The following MEI1 variants were observed in gnomAD, a reference collection of about 807,000 sequenced individuals.
The protein encoded by MEI1 is meiotic double-stranded break formation protein 1.
Under a neutral mutation model 146.2 loss-of-function variants are expected in MEI1, and 103 were observed. That is an observed-to-expected ratio of 0.70 (90% CI 0.60 to 0.83). The LOEUF is 0.83. Among genes scored for constraint, MEI1 ranks in the 40% least tolerant of loss-of-function variants. MEI1 has a pLI of 0.00. For missense variants in MEI1, 1,529 were observed against 1,533.0 expected, an observed-to-expected ratio of 1.00 and a Z score of 0.04; for synonymous variants, 652 against 628.2, an observed-to-expected ratio of 1.04 and a Z score of -0.57.
At chr22:41,711,452 T>C (rs1239264359) in intron 3 of MEI1, among the ~76,000 whole-genome samples, 2 of 152,248 alleles carry the variant, frequency 1.3e-5, no homozygotes, top group Non-Finnish European at 2.9e-5. Flanking sequence ...ATCATTTTCC[T>C]TCTAGGCCAC....
chr22:41,757,181 G>A (rs1569262246), intron 17 of MEI1, among the ~76,000 whole-genome samples: 1 of 152,178 alleles, frequency 6.6e-6, no homozygotes, highest in Non-Finnish European at 1.5e-5. Flanking sequence ...TGCAGGCTCC[G>A]CCTTCTGGGT....
intron 19 of MEI1, among the ~76,000 whole-genome samples, chr22:41,766,556 T>G (rs570428075): frequency 6.6e-6 from 1 of 152,162 alleles, no homozygotes; most frequent in South Asian, 2.1e-4. Flanking sequence ...AATATTATTA[T>G]TATTTTTCGA....
rs1416286067 is a variant in MEI1, at chr22:41,748,116, G to A, written c.1690G>A (p.Glu564Lys). Residue 564 changes from glutamate (E) to lysine (K), a missense_variant, in exon 15 of 31, where the codon GAG (glutamate) becomes AAG (lysine). Transcript: ENST00000401548. ...LCIPMVMRHLEQTTHPALMEV... is the reference protein window; with the variant it reads ...LCIPMVMRHLKQTTHPALMEV... ...TCCTGGTTCTTTGCAGAGACACTTG[G>A]AGCAGACCACCCACCCAGCTTTGAT... The A allele has an allele frequency of 1.2e-6, 2 of 1,613,430 alleles. No homozygotes were observed. Among genetic ancestry groups the A allele is most frequent in the South Asian group, 2.2e-5 (2 of 91,034 alleles).
chr22:41,797,532 A>C (rs2076406095), intron 30 of MEI1, among the ~76,000 whole-genome samples: 1 of 152,062 alleles, frequency 6.6e-6, no homozygotes. Flanking sequence ...GAACTGCTTG[A>C]ACTTGGGCGG....
intron 15 of MEI1, among the ~76,000 whole-genome samples, chr22:41,749,925 T>A (rs2147834780): frequency 6.6e-6 from 1 of 152,086 alleles, no homozygotes; most frequent in South Asian, 2.1e-4. Flanking sequence ...TATGGTCAGT[T>A]TGGGTCAGGG....
chr22:41,752,548 T>A, intron 15 of MEI1, 43 bp from the exon 16 acceptor site: 1 of 1,536,768 alleles, frequency 6.5e-7, no homozygotes, highest in Non-Finnish European at 8.9e-7. Flanking sequence ...CTGTGACAAG[T>A]CTGGTTTAAA....
At chr22:41,745,254 C>A (rs2073200865) in intron 13 of MEI1, among the ~76,000 whole-genome samples, 190 bp downstream of exon 13, 3 of 152,078 alleles carry the variant, frequency 2.0e-5, no homozygotes, top group Admixed American at 2.0e-4. Context: ...GGGGTAGGAC[C>A]TTTCTAAAGA....
At position 41,709,180 on chromosome 22, in the gene MEI1, A is replaced by G. The variant is rs1478960104; in HGVS notation, c.349+3626A>G. 39 of 779,108 alleles carry G rather than the reference A, an allele frequency of 5.0e-5. No homozygotes were observed. The East Asian group carries it at 9.4e-4, about 19-fold the overall frequency. The allele number at this position is 779,108 out of a possible 1,614,324, so 48.3% of individuals were successfully genotyped here. A position where few individuals can be genotyped will look rare whatever the true frequency, so the allele number is the denominator to read the frequency against. ...TAAAAAATAGTATTTCAAACTGTAC[A>G]GTCACCAGAAGTACACAGTTACCAA... On this transcript the variant is annotated intron_variant, in intron 3 of 30. Transcript: ENST00000401548.
rs535916468 is a variant in MEI1 at position 41,774,988 on chromosome 22, T to C, written c.2545-1114T>C. 2.5e-4 allele frequency among the ~76,000 whole-genome samples: 38 copies of C among 152,318 alleles called. No homozygotes were observed. In the South Asian group the frequency reaches 7.7e-3, roughly 31 times the overall value. On this transcript the variant is annotated intron_variant, in intron 20 of 30. Transcript: ENST00000401548. The stretch of plus-strand genomic sequence containing the variant: ...CCATATCTCTCTGTGTGTCAGTAGC[T>C]GTCCTCCCTGGAGAGGGAGTCTGTG...
intron 15 of MEI1, among the ~76,000 whole-genome samples, chr22:41,750,747 A>G (rs557198591): frequency 6.6e-6 from 1 of 152,300 alleles, no homozygotes; most frequent in South Asian, 2.1e-4. Context: ...AGATTGTACA[A>G]ATTAATTTTC....
chr22:41,776,681 G>A (rs1279273975), intron 21 of MEI1, among the ~76,000 whole-genome samples: 1 of 152,120 alleles, frequency 6.6e-6, no homozygotes, highest in African/African-American at 2.4e-5. Flanking sequence ...GAGATCCGGG[G>A]GATTAGTTTC....
chr22:41,799,307 G>A lies in MEI1; in HGVS notation c.*8G>A. On this transcript the variant is annotated 3_prime_UTR_variant, in exon 31 of 31. Transcript: ENST00000401548. ...TCCCACATCAGAAACTGATCCTCAG[G>A]ACTTGAAGGCCCAGAAGTGGAGAGA... The A allele has an allele frequency of 1.2e-6, 2 of 1,613,428 alleles. No individual in the cohort carries two copies. Among genetic ancestry groups the A allele is most frequent in the Non-Finnish European group, 8.5e-7 (1 of 1,179,586 alleles).
Position 41,746,863 on chromosome 22 carries a change from C to T in MEI1, c.1680+837C>T, listed in dbSNP as rs138317502. Among the ~76,000 whole-genome samples, 204 of 152,218 alleles carry T rather than the reference C, an allele frequency of 1.3e-3. 1 individual carries two copies. The highest frequency in any genetic ancestry group is 4.8e-3 in the African/African-American group (201 of 41,534). On this transcript the variant is annotated intron_variant, in intron 14 of 30. Coordinates refer to ENST00000401548, the MANE Select transcript of MEI1 (RefSeq NM_152513.4). ...TGGTCAGGAACCCTGGACTGTGGCC[C>T]TGACTTAACCCACTAACAGTAAGAC... is the stretch of plus-strand genomic sequence containing the variant.
intron 18 of MEI1, among the ~76,000 whole-genome samples, chr22:41,761,990 T>C (rs2074522451): frequency 6.6e-6 from 1 of 152,268 alleles, no homozygotes; most frequent in Non-Finnish European, 1.5e-5. Context: ...GGCTGATTAA[T>C]ATACCTTTGT....
intron 11 of MEI1, among the ~76,000 whole-genome samples, chr22:41,741,916 C>T (rs1569226701): frequency 6.8e-6 from 1 of 147,630 alleles, no homozygotes; most frequent in Non-Finnish European, 1.5e-5. Context: ...TGTACCCCAG[C>T]CTGGTGACAG....
At chr22:41,766,804 T>A (rs145532479) in intron 19 of MEI1, among the ~76,000 whole-genome samples, 1,788 of 152,310 alleles carry the variant, frequency 0.012, 37 homozygotes, top group African/African-American at 0.041. Context: ...AGTGCTAGGA[T>A]TACAGGTGTG....
chr22:41,709,449 A>C (rs763687183), intron 3 of MEI1: 2 of 673,820 alleles, frequency 3.0e-6, no homozygotes, highest in Non-Finnish European at 5.6e-6. Flanking sequence ...CCTTGGCTTT[A>C]TCTCCTTTAG....
Position 41,743,153 on chromosome 22 carries a change from T to C in MEI1, c.1405T>C (p.Cys469Arg), listed in dbSNP as rs1352924974. ...TTTGCTAGAAGCCATGCTAAACCGA[T>C]GTGCGGAGTTTTCCCAGACCTTGCT... Reference protein sequence around the residue: ...QALLEAMLNRCAEFSQTLLSR... With the variant: ...QALLEAMLNRRAEFSQTLLSR... The change falls in exon 12 of 31, where the codon TGT (cysteine) becomes CGT (arginine). Residue 469 changes from cysteine (C) to arginine (R), a missense_variant. By Grantham distance (180) the Cys-to-Arg change is radical. Around this residue, in one of 3 missense-constraint regions of MEI1, gnomAD observed 1,212 missense variants for 1,178.9 expected, o/e 1.03. Transcript: ENST00000401548. 4.3e-6 allele frequency: 7 copies of C among 1,613,342 alleles called. No individual in the cohort carries two copies. Among genetic ancestry groups the C allele is most frequent in the Non-Finnish European group, 5.9e-6 (7 of 1,179,798 alleles).
intron 11 of MEI1, among the ~76,000 whole-genome samples, chr22:41,741,799 CTG>C: frequency 6.6e-6 from 1 of 152,288 alleles, no homozygotes; most frequent in East Asian, 1.9e-4. Context: ...CAAAAATTAA[CTG>C]GGTGTGGTGG....
Sources: allele counts gnomAD v4.1 joint callset (sites outside exome capture counted in the v4.1 genomes callset), GRCh38; gene constraint gnomAD v4.1.1; regional missense constraint gnomAD v4.1.1; transcripts MANE v1.5; gene names NCBI Gene and HGNC (gene_info 2026-07-23, HGNC 2026-07-21).